Variants in DIAPH3 observed in about 807,000 individuals in gnomAD.
DIAPH3 encodes the protein protein diaphanous homolog 3.
In DIAPH3, 117 loss-of-function variants were observed where a neutral mutation model predicts 144.3. That is an observed-to-expected ratio of 0.81 (90% CI 0.70 to 0.95). DIAPH3 has a LOEUF of 0.95. Ranked by LOEUF, DIAPH3 falls within the 40% of genes least tolerant of loss-of-function variation. The pLI is 0.00. For missense variants in DIAPH3, 1,421 were observed against 1,412.7 expected, an observed-to-expected ratio of 1.01 and a Z score of -0.09; for synonymous variants, 519 against 488.9, an observed-to-expected ratio of 1.06 and a Z score of -0.81.
At chr13:59,682,624 GAAAA>G (rs1352653015) in intron 27 of DIAPH3, among the ~76,000 whole-genome samples, 8 of 152,292 alleles carry the variant, frequency 5.3e-5, no homozygotes, top group Non-Finnish European at 1.0e-4. Flanking sequence ...TACTTATGCA[GAAAA>G]CTCTATATAA....
chr13:59,671,396 CACACT>C (rs1299337897), intron 27 of DIAPH3, among the ~76,000 whole-genome samples: 2 of 152,198 alleles, frequency 1.3e-5, no homozygotes, highest in East Asian at 3.9e-4. Flanking sequence ...CTTCACCATA[CACACT>C]TTTAAATGGA....
At chr13:59,790,221 T>C (rs994102074) in intron 25 of DIAPH3, among the ~76,000 whole-genome samples, 1 of 152,206 alleles carries the variant, frequency 6.6e-6, no homozygotes, top group Non-Finnish European at 1.5e-5. Flanking sequence ...GCAATAGAGG[T>C]GAAGAGCTAT....
chr13:60,124,245 T>C (rs2058925247), intron 2 of DIAPH3, among the ~76,000 whole-genome samples: 1 of 152,176 alleles, frequency 6.6e-6, no homozygotes, highest in African/African-American at 2.4e-5. Flanking sequence ...CAGCAGGTGA[T>C]TTCTGCAGTG....
chr13:59,762,525 C>A (rs1593783529), intron 27 of DIAPH3, among the ~76,000 whole-genome samples: 2 of 151,974 alleles, frequency 1.3e-5, no homozygotes, highest in Admixed American at 6.6e-5. Context: ...ATTATTATGG[C>A]AAAGTAAAAT....
intron 1 of DIAPH3, among the ~76,000 whole-genome samples, chr13:60,151,770 A>C (rs948865421): frequency 6.6e-6 from 1 of 152,208 alleles, no homozygotes; most frequent in Non-Finnish European, 1.5e-5. Flanking sequence ...CCCTCAAAAG[A>C]GACTGAGTGG....
chr13:59,692,915 C>CA (rs1469933485), intron 27 of DIAPH3, among the ~76,000 whole-genome samples: 1 of 152,138 alleles, frequency 6.6e-6, no homozygotes, highest in Non-Finnish European at 1.5e-5. Context: ...ACAGAGCTTA[C>CA]ATTCTATTGG....
chr13:59,938,445 C>A (rs533172141), intron 17 of DIAPH3, among the ~76,000 whole-genome samples: 1 of 151,888 alleles, frequency 6.6e-6, no homozygotes, highest in Non-Finnish European at 1.5e-5. Flanking sequence ...CTCATCTCCA[C>A]AAAAAACGTA....
At chr13:60,033,544 C>T (rs1287611354) in intron 5 of DIAPH3, among the ~76,000 whole-genome samples, 1 of 152,034 alleles carries the variant, frequency 6.6e-6, no homozygotes, top group Non-Finnish European at 1.5e-5. Context: ...CATGGTGAGA[C>T]CAGGAGCAAG....
chr13:59,868,170 T>A (rs2044044824), intron 21 of DIAPH3, among the ~76,000 whole-genome samples: 1 of 152,160 alleles, frequency 6.6e-6, no homozygotes, highest in Non-Finnish European at 1.5e-5. Context: ...TATTCTTGTT[T>A]GGAGTAGTTT....
chr13:59,961,501 A>C (rs1458013302), intron 17 of DIAPH3, among the ~76,000 whole-genome samples: 2 of 152,216 alleles, frequency 1.3e-5, no homozygotes, highest in Non-Finnish European at 2.9e-5. Context: ...GAAATGATGA[A>C]AGATGGTTTT....
intron 4 of DIAPH3, among the ~76,000 whole-genome samples, chr13:60,059,715 A>G (rs2056693096): frequency 6.6e-6 from 1 of 152,044 alleles, no homozygotes; most frequent in South Asian, 2.1e-4. Context: ...CTGATTAAAC[A>G]AACATGGATG....
chr13:60,159,266 G>C (rs1206460984), intron 1 of DIAPH3, among the ~76,000 whole-genome samples: 1 of 152,160 alleles, frequency 6.6e-6, no homozygotes, highest in African/African-American at 2.4e-5. Context: ...TCCTGGATGA[G>C]AAAAGAAGCA....
chr13:59,759,059 T>G (rs796125056), intron 27 of DIAPH3, among the ~76,000 whole-genome samples: 4 of 151,696 alleles, frequency 2.6e-5, no homozygotes, highest in African/African-American at 9.7e-5. Context: ...CCCAAAGTGC[T>G]GGGGTTACAG....
intron 22 of DIAPH3, among the ~76,000 whole-genome samples, chr13:59,841,278 C>A (rs913851377): frequency 1.3e-5 from 2 of 152,076 alleles, no homozygotes; most frequent in African/African-American, 2.4e-5. Context: ...TAAAACTCTG[C>A]AACTTCTGAC....
chr13:59,827,027 T>C (rs943360718), intron 24 of DIAPH3, among the ~76,000 whole-genome samples: 2 of 152,086 alleles, frequency 1.3e-5, no homozygotes, highest in East Asian at 1.9e-4. Flanking sequence ...ATACAAAAAT[T>C]AATTCAAGAT....
intron 16 of DIAPH3, among the ~76,000 whole-genome samples, chr13:59,970,643 A>G (rs1459605246): frequency 6.6e-6 from 1 of 152,156 alleles, no homozygotes; most frequent in African/African-American, 2.4e-5. Flanking sequence ...ATAAAGCAGA[A>G]AGTCTTAGTC....
At chr13:59,935,558 A>G (rs2048223764) in intron 17 of DIAPH3, among the ~76,000 whole-genome samples, 2 of 152,238 alleles carry the variant, frequency 1.3e-5, no homozygotes. Context: ...TACATAGGAA[A>G]AAAAGTCAAA....
At chr13:60,101,521 C>CT (rs1229364840) in intron 3 of DIAPH3, among the ~76,000 whole-genome samples, 9,657 of 143,236 alleles carry the variant, frequency 0.067, 399 homozygotes, top group South Asian at 0.11. Flanking sequence ...TTTGCGATTT[C>CT]TTTTTTTTTT....
intron 25 of DIAPH3, among the ~76,000 whole-genome samples, chr13:59,791,928 C>G (rs1272386948): frequency 2.0e-5 from 3 of 152,200 alleles, no homozygotes; most frequent in Non-Finnish European, 4.4e-5. Flanking sequence ...AACCTAGCCA[C>G]TGGGGATTGC....
Sources: gnomAD v4.1 joint callset for allele counts (sites outside exome capture counted in the v4.1 genomes callset) on GRCh38, gnomAD v4.1.1 for gene constraint, MANE v1.5 for transcripts, NCBI Gene and HGNC (gene_info 2026-07-23, HGNC 2026-07-21) for gene names.